Variants in BCL2 observed in about 807,000 individuals in gnomAD.
BCL2 encodes the protein apoptosis regulator Bcl-2.
In BCL2, 1 loss-of-function variant was observed where a neutral mutation model predicts 14.2. The observed-to-expected ratio is 0.07, with a 90% confidence interval of 0.02 to 0.33. The LOEUF is 0.33. Ranked by LOEUF, BCL2 falls within the 10% of genes least tolerant of loss-of-function variation. The pLI is 0.99. For synonymous variants in BCL2, 151 were observed against 137.2 expected (o/e 1.10, Z -0.70); for missense variants, 247 against 305.9 (o/e 0.81, Z 1.44).
chr18:63,131,708 GAGA>G (rs1472835856), intron 2 of BCL2, among the ~76,000 whole-genome samples: 1 of 152,350 alleles, frequency 6.6e-6, no homozygotes, highest in African/African-American at 2.4e-5. Context: ...GCTTGACATT[GAGA>G]AGGTCAGTGG....
chr18:63,226,586 G>A (rs984631404), intron 2 of BCL2, among the ~76,000 whole-genome samples: 2 of 152,260 alleles, frequency 1.3e-5, no homozygotes, highest in East Asian at 3.9e-4. Context: ...TATCCTTCAT[G>A]TACTATCAAG....
At chr18:63,286,989 C>A (rs1026534368) in intron 2 of BCL2, among the ~76,000 whole-genome samples, 1 of 152,182 alleles carries the variant, frequency 6.6e-6, no homozygotes, top group African/African-American at 2.4e-5. Context: ...CATTCAACAG[C>A]AAAACTGTCC....
At chr18:63,299,873 C>T (rs1176111131) in intron 2 of BCL2, among the ~76,000 whole-genome samples, 2 of 149,204 alleles carry the variant, frequency 1.3e-5, no homozygotes, top group Non-Finnish European at 3.0e-5. Context: ...ACGGCACCTT[C>T]TCTGTGAAAC....
intron 2 of BCL2, among the ~76,000 whole-genome samples, chr18:63,235,245 G>A (rs964003057): frequency 1.3e-5 from 2 of 152,226 alleles, no homozygotes; most frequent in Admixed American, 1.3e-4. Context: ...ACTTTGGAGA[G>A]CAATTTGGCA....
chr18:63,178,439 G>T (rs1167748932), intron 2 of BCL2, among the ~76,000 whole-genome samples: 1 of 152,200 alleles, frequency 6.6e-6, no homozygotes, highest in Non-Finnish European at 1.5e-5. Context: ...GTGGGCGAAG[G>T]TTCTCAGAGC....
At chr18:63,302,328 G>C in intron 2 of BCL2, 2 of 981,978 alleles carry the variant, frequency 2.0e-6, no homozygotes, top group Non-Finnish European at 2.4e-6. Context: ...GAGAGAAAGA[G>C]AGAAAGAGAG....
chr18:63,284,935 C>A (rs1324376554), intron 2 of BCL2, among the ~76,000 whole-genome samples: 3 of 152,162 alleles, frequency 2.0e-5, no homozygotes, highest in Admixed American at 6.5e-5. Context: ...ATGCTCCACT[C>A]CAGCAAGGGC....
At chr18:63,235,585 GAT>G (rs1023858731) in intron 2 of BCL2, among the ~76,000 whole-genome samples, 24 of 151,408 alleles carry the variant, frequency 1.6e-4, no homozygotes, top group African/African-American at 5.3e-4. Context: ...ACATGTGAAA[GAT>G]AAAACCATGC....
chr18:63,219,709 T>C (rs942615590), intron 2 of BCL2, among the ~76,000 whole-genome samples: 3 of 152,332 alleles, frequency 2.0e-5, no homozygotes, highest in African/African-American at 7.2e-5. Context: ...GGGCCTACTA[T>C]GTACAAAGCA....
intron 2 of BCL2, among the ~76,000 whole-genome samples, chr18:63,220,462 G>A (rs1336516201): frequency 6.6e-6 from 1 of 152,098 alleles, no homozygotes; most frequent in African/African-American, 2.4e-5. Flanking sequence ...GGTCTACCAG[G>A]GAGCAGAGAA....
chr18:63,150,042 G>A (rs1914614479), intron 2 of BCL2, among the ~76,000 whole-genome samples: 1 of 152,068 alleles, frequency 6.6e-6, no homozygotes, highest in African/African-American at 2.4e-5. Flanking sequence ...CGCCATGCCT[G>A]GCTAATTTTT....
At chr18:63,239,850 A>G (rs1004104380) in intron 2 of BCL2, among the ~76,000 whole-genome samples, 7 of 152,168 alleles carry the variant, frequency 4.6e-5, no homozygotes, top group African/African-American at 1.7e-4. Context: ...TGAACCCTTA[A>G]AGGGGTTCAA....
At chr18:63,210,628 C>T (rs1441889478) in intron 2 of BCL2, among the ~76,000 whole-genome samples, 6 of 152,148 alleles carry the variant, frequency 3.9e-5, no homozygotes, top group Non-Finnish European at 5.9e-5. Context: ...GAATGAAAGA[C>T]GCTGGATGAA....
At chr18:63,183,729 T>C (rs1568227062) in intron 2 of BCL2, among the ~76,000 whole-genome samples, 1 of 152,142 alleles carries the variant, frequency 6.6e-6, no homozygotes, top group Non-Finnish European at 1.5e-5. Context: ...GGCGGGGGGC[T>C]TAAACAGATG....
chr18:63,263,183 G>A (rs1254848357), intron 2 of BCL2, among the ~76,000 whole-genome samples: 5 of 152,242 alleles, frequency 3.3e-5, no homozygotes, highest in African/African-American at 9.6e-5. Flanking sequence ...TTGGGTGTGC[G>A]GGGGGTGCAG....
intron 2 of BCL2, among the ~76,000 whole-genome samples, chr18:63,216,488 C>T (rs1003046471): frequency 2.3e-4 from 35 of 151,602 alleles, no homozygotes; most frequent in Admixed American, 2.2e-3. Context: ...ACACTGATGT[C>T]TGCAAAAACA....
intron 2 of BCL2, among the ~76,000 whole-genome samples, chr18:63,312,697 G>C (rs992794374): frequency 4.6e-5 from 7 of 152,144 alleles, no homozygotes; most frequent in Non-Finnish European, 5.9e-5. Flanking sequence ...CTGCTCAAAG[G>C]AAGAGCCCCC....
chr18:63,176,886 C>A (rs1165830765), intron 2 of BCL2, among the ~76,000 whole-genome samples: 1 of 151,930 alleles, frequency 6.6e-6, no homozygotes, highest in Non-Finnish European at 1.5e-5. Flanking sequence ...CACCTCCCAA[C>A]CCTTCCCGAA....
At chr18:63,252,216 T>C (rs772796992) in intron 2 of BCL2, among the ~76,000 whole-genome samples, 1 of 152,110 alleles carries the variant, frequency 6.6e-6, no homozygotes, top group Non-Finnish European at 1.5e-5. Flanking sequence ...GTGAAGTAAA[T>C]ATTTACAAGG....
Sources: gnomAD v4.1 joint callset for allele counts (sites outside exome capture counted in the v4.1 genomes callset) on GRCh38, gnomAD v4.1.1 for gene constraint, MANE v1.5 for transcripts, NCBI Gene and HGNC (gene_info 2026-07-23, HGNC 2026-07-21) for gene names.